Variants in SHC3 observed in about 807,000 individuals in gnomAD.
SHC3 encodes SHC-transforming protein 3.
SHC3 carries 15 observed loss-of-function variants against 60.4 expected under a neutral mutation model. The observed-to-expected ratio is 0.25, with a 90% confidence interval of 0.17 to 0.38. The LOEUF (loss-of-function observed/expected upper bound fraction) is 0.38, where lower values mean the gene tolerates loss of function less well. SHC3 is among the 10% of genes least tolerant of loss of function. The probability of loss-of-function intolerance (pLI) is 1.00; values close to 1 mark genes in which losing one functional copy is unlikely to be tolerated. For missense variants in SHC3, 677 were observed against 786.1 expected, an observed-to-expected ratio of 0.86 and a Z score of 1.66; for synonymous variants, 294 against 325.9, an observed-to-expected ratio of 0.90 and a Z score of 1.05.
chr9:89,057,807 G>A (rs1824980429), intron 6 of SHC3, among the ~76,000 whole-genome samples: 1 of 152,144 alleles, frequency 6.6e-6, no homozygotes, highest in South Asian at 2.1e-4. Flanking sequence ...CCCCGCAAAA[G>A]TCATGCCCCC....
intron 11 of SHC3, among the ~76,000 whole-genome samples, chr9:89,028,753 C>G (rs1824417931): frequency 7.0e-6 from 1 of 143,396 alleles, no homozygotes; most frequent in South Asian, 2.2e-4. Context: ...GATATATATT[C>G]TCTCTATATA....
intron 10 of SHC3, among the ~76,000 whole-genome samples, chr9:89,039,781 C>T (rs368104072): frequency 1.2e-4 from 18 of 151,780 alleles, no homozygotes; most frequent in African/African-American, 4.1e-4. Context: ...TCACTATCCC[C>T]TCACCATTAT....
At chr9:89,110,448 G>C in intron 2 of SHC3, 1 of 985,078 alleles carries the variant, frequency 1.0e-6, no homozygotes, top group Non-Finnish European at 1.2e-6. Flanking sequence ...AACCATGGCA[G>C]TGGAGTTTAA....
chr9:89,146,904 C>G (rs1461737644), intron 1 of SHC3, among the ~76,000 whole-genome samples: 1 of 152,114 alleles, frequency 6.6e-6, no homozygotes, highest in Non-Finnish European at 1.5e-5. Flanking sequence ...GCATTTTCTT[C>G]CAAAGCTGAA....
At chr9:89,111,557 C>G (rs562571399) in intron 2 of SHC3, among the ~76,000 whole-genome samples, 3 of 150,850 alleles carry the variant, frequency 2.0e-5, no homozygotes, top group Non-Finnish European at 4.4e-5. Context: ...TCACAACTTA[C>G]ATGTCTCAAG....
intron 1 of SHC3, among the ~76,000 whole-genome samples, chr9:89,134,176 A>T (rs559556046): frequency 9.9e-5 from 15 of 152,272 alleles, no homozygotes; most frequent in African/African-American, 3.1e-4. Context: ...CAAGGAGTGT[A>T]AGGAAAGTAG....
intron 10 of SHC3, among the ~76,000 whole-genome samples, chr9:89,039,509 A>G (rs950684428): frequency 2.0e-5 from 3 of 152,132 alleles, no homozygotes; most frequent in Admixed American, 6.5e-5. Context: ...CTGTTTCTAC[A>G]TCATTACCAC....
chr9:89,072,729 C>T (rs1460204167), intron 4 of SHC3, among the ~76,000 whole-genome samples: 1 of 152,108 alleles, frequency 6.6e-6, no homozygotes, highest in Non-Finnish European at 1.5e-5. Context: ...GAGAACAGAG[C>T]TCATCTCTAA....
chr9:89,146,041 T>C (rs1826463365), intron 1 of SHC3, among the ~76,000 whole-genome samples: 1 of 152,142 alleles, frequency 6.6e-6, no homozygotes, highest in Non-Finnish European at 1.5e-5. Flanking sequence ...AACTTGGACT[T>C]CAGCATGCAG....
intron 11 of SHC3, among the ~76,000 whole-genome samples, chr9:89,022,517 C>T (rs1253007558): frequency 1.3e-5 from 2 of 152,162 alleles, no homozygotes; most frequent in African/African-American, 4.8e-5. Context: ...TAAGGAATTT[C>T]CCCCTCTAGA....
At chr9:89,152,107 T>A (rs533606963) in intron 1 of SHC3, among the ~76,000 whole-genome samples, 4 of 152,354 alleles carry the variant, frequency 2.6e-5, no homozygotes, top group African/African-American at 9.6e-5. Flanking sequence ...AGTGGCCATA[T>A]GTTACATATT....
intron 1 of SHC3, among the ~76,000 whole-genome samples, chr9:89,127,788 C>G (rs547864675): frequency 6.6e-6 from 1 of 151,958 alleles, no homozygotes; most frequent in African/African-American, 2.4e-5. Flanking sequence ...CACCCCCCCC[C>G]ACCACTGAGA....
chr9:89,135,411 TA>T (rs1243774983), intron 1 of SHC3, among the ~76,000 whole-genome samples: 1 of 151,890 alleles, frequency 6.6e-6, no homozygotes, highest in Non-Finnish European at 1.5e-5. Flanking sequence ...GGTTTGGCTT[TA>T]AAAAAAAGTC....
intron 1 of SHC3, among the ~76,000 whole-genome samples, chr9:89,165,858 C>T (rs1180091067): frequency 1.3e-5 from 2 of 152,194 alleles, no homozygotes; most frequent in Admixed American, 1.3e-4. Context: ...TTTCAGTAGC[C>T]TTGAGCCCAT....
intron 11 of SHC3, among the ~76,000 whole-genome samples, chr9:89,019,050 C>T (rs1472402313): frequency 2.0e-5 from 3 of 148,368 alleles, no homozygotes; most frequent in Non-Finnish European, 4.5e-5. Context: ...CAGAGCAAGA[C>T]TCTGTCTCAG....
chr9:89,017,131 G>T (rs1361229914), intron 11 of SHC3, among the ~76,000 whole-genome samples: 1 of 152,034 alleles, frequency 6.6e-6, no homozygotes, highest in Non-Finnish European at 1.5e-5. Flanking sequence ...TTTCTTCATA[G>T]AATTAGAAAA....
chr9:89,021,020 C>G (rs1826192979), intron 11 of SHC3, among the ~76,000 whole-genome samples: 1 of 152,098 alleles, frequency 6.6e-6, no homozygotes, highest in Non-Finnish European at 1.5e-5. Context: ...AGCTGCAGCC[C>G]CAGTTTGACC....
chr9:89,044,947 G>A (rs1824747645), intron 9 of SHC3, among the ~76,000 whole-genome samples: 1 of 152,192 alleles, frequency 6.6e-6, no homozygotes, highest in Non-Finnish European at 1.5e-5. Context: ...TCAATCCCCA[G>A]CTTAGAGTAG....
chr9:89,083,137 G>C (rs1435116522), intron 2 of SHC3, among the ~76,000 whole-genome samples: 3 of 152,176 alleles, frequency 2.0e-5, no homozygotes, highest in African/African-American at 7.2e-5. Context: ...CCTCCATGGG[G>C]AAGGTGAGCC....
Sources: allele counts gnomAD v4.1 joint callset (sites outside exome capture counted in the v4.1 genomes callset), GRCh38; gene constraint gnomAD v4.1.1; transcripts MANE v1.5; gene names NCBI Gene and HGNC (gene_info 2026-07-23, HGNC 2026-07-21).